Variants in LPIN1 observed in about 807,000 individuals in gnomAD.
The protein encoded by LPIN1 is lipin 1.
In LPIN1, 71 loss-of-function variants were observed where a neutral mutation model predicts 107.5. The observed-to-expected ratio is 0.66, with a 90% confidence interval of 0.55 to 0.80. The LOEUF is 0.80. Among genes scored for constraint, LPIN1 ranks in the 30% least tolerant of loss-of-function variants. LPIN1 has a pLI of 0.00. For synonymous variants in LPIN1, 445 were observed against 452.6 expected (o/e 0.98, Z 0.21); for missense variants, 1,043 against 1,160.6 (o/e 0.90, Z 1.47).
At chr2:11,805,186 C>T (rs1225802982) in intron 17 of LPIN1, 30 bp downstream of exon 17, 1 of 1,498,138 alleles carries the variant, frequency 6.7e-7, no homozygotes. Flanking sequence ...TTCCCGCCTC[C>T]TGTGAACGCT....
intron 1 of LPIN1, chr2:11,724,774 G>A: frequency 3.3e-6 from 1 of 305,202 alleles, no homozygotes; most frequent in Non-Finnish European, 4.8e-6. Flanking sequence ...AATTTGGGGA[G>A]ACTGGAGCTG....
intron 8 of LPIN1, among the ~76,000 whole-genome samples, chr2:11,783,463 CGTT>C (rs1397719342): frequency 6.6e-6 from 1 of 152,158 alleles, no homozygotes; most frequent in Non-Finnish European, 1.5e-5. Flanking sequence ...TCTACGGTCA[CGTT>C]GTACTGCCCA....
At chr2:11,702,379 C>T (rs187410238) in intron 1 of LPIN1, among the ~76,000 whole-genome samples, 188 of 152,216 alleles carry the variant, frequency 1.2e-3, no homozygotes, top group Non-Finnish European at 2.1e-3. Flanking sequence ...CAGAGGGTGA[C>T]GTCCTGACAA....
upstream of LPIN1, among the ~76,000 whole-genome samples, chr2:11,720,939 C>T (rs964415722): frequency 1.1e-4 from 16 of 151,880 alleles, no homozygotes; most frequent in African/African-American, 3.1e-4. Context: ...TAGGACAGGG[C>T]GAGTCCTTGT....
chr2:11,713,273 T>C (rs918811270), intron 1 of LPIN1, among the ~76,000 whole-genome samples: 2 of 152,170 alleles, frequency 1.3e-5, no homozygotes, highest in African/African-American at 4.8e-5. Flanking sequence ...AGACACCACA[T>C]TCTTTGTGTT....
intron 17 of LPIN1, among the ~76,000 whole-genome samples, chr2:11,813,772 G>A (rs545522173): frequency 2.0e-5 from 3 of 152,082 alleles, no homozygotes; most frequent in African/African-American, 4.8e-5. Context: ...AAAATTAGCC[G>A]GCGTGGTGGT....
At chr2:11,766,941 G>A (rs1671007507) in intron 2 of LPIN1, among the ~76,000 whole-genome samples, 1 of 152,182 alleles carries the variant, frequency 6.6e-6, no homozygotes, top group Admixed American at 6.5e-5. Context: ...TTCCATCATG[G>A]CCTGGAACTC....
chr2:11,731,153 T>C (rs931451923), intron 1 of LPIN1, among the ~76,000 whole-genome samples: 5 of 152,228 alleles, frequency 3.3e-5, no homozygotes, highest in South Asian at 2.1e-4. Flanking sequence ...GGTGGTTTGC[T>C]GTACCTATCA....
At chr2:11,702,609 A>G (rs985113626) in intron 1 of LPIN1, among the ~76,000 whole-genome samples, 1 of 152,230 alleles carries the variant, frequency 6.6e-6, no homozygotes, top group Non-Finnish European at 1.5e-5. Context: ...GCTAAGAAGG[A>G]AATCTTCATG....
intron 12 of LPIN1, among the ~76,000 whole-genome samples, chr2:11,789,448 GTGTA>G (rs1675271294): frequency 6.6e-6 from 1 of 152,138 alleles, no homozygotes. Flanking sequence ...GTATGTGCAT[GTGTA>G]TATGTGTGGA....
intron 2 of LPIN1, among the ~76,000 whole-genome samples, chr2:11,766,760 AAAACAAACACAAAC>A (rs978730925): frequency 1.0e-4 from 13 of 129,846 alleles, no homozygotes; most frequent in African/African-American, 5.0e-4. Flanking sequence ...TATCAGGCAA[AAAACAAACACAAAC>A]AAACAAACAA....
At chr2:11,813,930 A>C (rs965842700) in intron 17 of LPIN1, among the ~76,000 whole-genome samples, 20 of 152,016 alleles carry the variant, frequency 1.3e-4, no homozygotes, top group South Asian at 4.2e-4. Flanking sequence ...AAATAAACAA[A>C]AAAAAAAAGT....
In LPIN1 at chr2:11,686,451, G is replaced by A. The variant is rs550998524; in HGVS notation, c.81+8723G>A. Among the ~76,000 whole-genome samples, 21 of 152,266 alleles carry A rather than the reference G, an allele frequency of 1.4e-4. No individual in the cohort carries two copies. In the South Asian group the frequency reaches 4.3e-3, roughly 32 times the overall value. Reference sequence around the variant, plus strand: ...GGAGGGCTAGAACGCTGGGTTGGACGGACTCCGGGAAAGATGGAGGCTGGT... The same window carrying A: ...GGAGGGCTAGAACGCTGGGTTGGACAGACTCCGGGAAAGATGGAGGCTGGT... On this transcript the variant is annotated intron_variant, in intron 1 of 21. Transcript: ENST00000449576.
chr2:11,746,629 T>G (rs1666964276), upstream of LPIN1: 2 of 985,172 alleles, frequency 2.0e-6, no homozygotes, highest in Non-Finnish European at 1.2e-6. Flanking sequence ...GGCGGCGGGC[T>G]GGGTGTTTGC....
At chr2:11,737,952 C>T (rs113955168) in intron 1 of LPIN1, among the ~76,000 whole-genome samples, 32,699 of 152,080 alleles carry the variant, frequency 0.22, 4,659 homozygotes, top group African/African-American at 0.4. Context: ...TTTATTGCAG[C>T]ACTATTTACA....
At chr2:11,689,725 G>A (rs969458565) in intron 1 of LPIN1, among the ~76,000 whole-genome samples, 4 of 152,130 alleles carry the variant, frequency 2.6e-5, no homozygotes, top group South Asian at 2.1e-4. Flanking sequence ...CCAACATGGC[G>A]AAACCCCATC....
At chr2:11,736,528 C>G (rs73183104) in intron 1 of LPIN1, among the ~76,000 whole-genome samples, 1 of 152,192 alleles carries the variant, frequency 6.6e-6, no homozygotes, top group Non-Finnish European at 1.5e-5. Flanking sequence ...CTCATCATAC[C>G]AGCACAGTGG....
chr2:11,710,661 T>C (rs1215806844), intron 1 of LPIN1, among the ~76,000 whole-genome samples: 1 of 152,234 alleles, frequency 6.6e-6, no homozygotes, highest in Non-Finnish European at 1.5e-5. Flanking sequence ...GAGGTAAGTA[T>C]TTTATTGTTA....
chr2:11,817,443 T>C (rs1680757697), intron 18 of LPIN1: 1 of 152,368 alleles, frequency 6.6e-6, no homozygotes, highest in Non-Finnish European at 1.5e-5. Context: ...TTGTGCTTTT[T>C]GTGTATTACC....
Sources: gnomAD v4.1 joint callset for allele counts (sites outside exome capture counted in the v4.1 genomes callset) on GRCh38, gnomAD v4.1.1 for gene constraint, MANE v1.5 for transcripts, NCBI Gene and HGNC (gene_info 2026-07-23, HGNC 2026-07-21) for gene names.